AK8: variants seen among roughly 807,000 people sequenced by gnomAD.
AK8 encodes adenylate kinase 8.
AK8 carries 44 observed loss-of-function variants against 54.6 expected under a neutral mutation model. That is an observed-to-expected ratio of 0.81 (90% CI 0.63 to 1.04). AK8 has a LOEUF of 1.04. AK8 is among the 50% of genes least tolerant of loss of function. The pLI is 0.00. For synonymous variants in AK8, 239 were observed against 245.6 expected (o/e 0.97, Z 0.25); for missense variants, 555 against 613.6 (o/e 0.90, Z 1.01).
intron 5 of AK8, among the ~76,000 whole-genome samples, chr9:132,852,513 G>A (rs1474260913): frequency 6.6e-6 from 1 of 151,784 alleles, no homozygotes; most frequent in African/African-American, 2.4e-5. Flanking sequence ...GGGAGGATGA[G>A]GCAGGAGAAT....
chr9:132,833,579 C>T (rs1386856502), intron 5 of AK8, among the ~76,000 whole-genome samples: 3 of 152,182 alleles, frequency 2.0e-5, no homozygotes, highest in South Asian at 2.1e-4. Context: ...ACCGTACCCC[C>T]GTGGCTCGGT....
At chr9:132,758,656 G>A (rs1371467352) in intron 11 of AK8, among the ~76,000 whole-genome samples, 1 of 150,152 alleles carries the variant, frequency 6.7e-6, no homozygotes, top group Non-Finnish European at 1.5e-5. Context: ...ATGGTTTTTC[G>A]CCATGTTGCC....
chr9:132,810,397 CT>C (rs1243098724), intron 10 of AK8, among the ~76,000 whole-genome samples: 12 of 152,268 alleles, frequency 7.9e-5, no homozygotes. Context: ...ACAAAAACGA[CT>C]CTGCGCCTGG....
At chr9:132,844,766 A>C (rs1225325666) in intron 5 of AK8, among the ~76,000 whole-genome samples, 2 of 152,192 alleles carry the variant, frequency 1.3e-5, no homozygotes, top group African/African-American at 4.8e-5. Flanking sequence ...TTCCATGCTC[A>C]AGACTAGAAG....
In AK8 at chr9:132,875,149, G is replaced by A; in HGVS notation, c.135C>T (p.Phe45=). Residue 45 remains phenylalanine (F), a synonymous_variant, in exon 2 of 13, where the codon TTC becomes TTT. Coordinates refer to ENST00000298545, the MANE Select transcript of AK8 (RefSeq NM_152572.3). ...LIHQPEDPIP[F]MIQHLHRDND... ...TGTCTCTATGCAAGTGCTGGATCAT[G>A]AAGGGGATGGGATCTTCGGGCTGGT... is the stretch of plus-strand genomic sequence containing the variant. The A allele has an allele frequency of 6.2e-7, 1 of 1,614,194 alleles. No individual in the cohort carries two copies.
chr9:132,762,038 T>A lies in AK8; in HGVS notation c.1121+30596A>T, dbSNP rs977349499. Among the ~76,000 whole-genome samples, 5 of 152,176 alleles carry A rather than the reference T, an allele frequency of 3.3e-5. No individual in the cohort carries two copies. In the South Asian group the frequency reaches 1.0e-3, roughly 32 times the overall value. The stretch of plus-strand genomic sequence containing the variant: ...CTGCATGCCACCATACCTGGCTAAT[T>A]TTTGTATTTTTAGTAGAAATGGGGT... On this transcript the variant is annotated intron_variant, in intron 11 of 12. Coordinates refer to ENST00000298545, the MANE Select transcript of AK8 (RefSeq NM_152572.3).
intron 1 of AK8, among the ~76,000 whole-genome samples, chr9:132,876,156 C>T (rs1844087128): frequency 6.6e-6 from 1 of 152,160 alleles, no homozygotes; most frequent in Non-Finnish European, 1.5e-5. Context: ...GGTTCCAGCC[C>T]CACTGTATCT....
At chr9:132,857,572 G>A (rs1446434262) in intron 4 of AK8, among the ~76,000 whole-genome samples, 1 of 152,008 alleles carries the variant, frequency 6.6e-6, no homozygotes, top group East Asian at 1.9e-4. Context: ...AGCCCCTCAG[G>A]TCCTCTCCTG....
At chr9:132,742,287 A>C (rs545206041) in intron 11 of AK8, among the ~76,000 whole-genome samples, 1 of 148,302 alleles carries the variant, frequency 6.7e-6, no homozygotes, top group Non-Finnish European at 1.5e-5. Context: ...CGATCCTCCC[A>C]CTTCAGCCTC....
At chr9:132,830,520 G>T (rs1842063406) in intron 5 of AK8, among the ~76,000 whole-genome samples, 1 of 151,964 alleles carries the variant, frequency 6.6e-6, no homozygotes, top group Admixed American at 6.5e-5. Flanking sequence ...ATGAGGTTCA[G>T]TATTTTTTCC....
chr9:132,776,176 A>T (rs1486186159), intron 11 of AK8, among the ~76,000 whole-genome samples: 1 of 152,168 alleles, frequency 6.6e-6, no homozygotes, highest in Non-Finnish European at 1.5e-5. Flanking sequence ...TTCTGAGTTT[A>T]TTTACTGAGA....
chr9:132,800,494 T>G (rs1345376038), intron 10 of AK8, among the ~76,000 whole-genome samples: 1 of 152,160 alleles, frequency 6.6e-6, no homozygotes, highest in African/African-American at 2.4e-5. Context: ...AGCTTGCTCT[T>G]TGGTAAACTC....
intron 5 of AK8, among the ~76,000 whole-genome samples, chr9:132,851,988 G>C (rs936106675): frequency 3.9e-5 from 6 of 152,160 alleles, no homozygotes; most frequent in Non-Finnish European, 8.8e-5. Context: ...CTCGAAAGCG[G>C]CTATTACAAG....
At position 132,725,590 on chromosome 9, in the gene AK8, G is replaced by A; in HGVS notation, c.*98C>T. ...AGGACGTACGAGACTGTATCCAGCA[G>A]GCTTTATTGGCTTTTTAGGGGAGCT... On this transcript the variant is annotated 3_prime_UTR_variant, in exon 13 of 13. Transcript: ENST00000298545. 8.9e-7 allele frequency: 1 copy of A among 1,120,302 alleles called. No individual in the cohort carries two copies. The highest frequency in any genetic ancestry group is 1.3e-6 in the Non-Finnish European group (1 of 784,682). The allele number at this position is 1,120,302 out of a possible 1,614,324, so 69.4% of individuals were successfully genotyped here.
chr9:132,776,565 G>A (rs1255430343), intron 11 of AK8, among the ~76,000 whole-genome samples: 1 of 152,224 alleles, frequency 6.6e-6, no homozygotes, highest in African/African-American at 2.4e-5. Flanking sequence ...GGATGAGGCC[G>A]TCCCTCAAAC....
intron 3 of AK8, among the ~76,000 whole-genome samples, chr9:132,864,119 G>A (rs190542629): frequency 6.6e-6 from 1 of 152,298 alleles, no homozygotes; most frequent in Admixed American, 6.5e-5. Flanking sequence ...GAACTTTGAG[G>A]ACAGAACCTA....
chr9:132,725,648 T>G lies in AK8; in HGVS notation c.*40A>C, dbSNP rs1028881427. On this transcript the variant is annotated 3_prime_UTR_variant, in exon 13 of 13. Coordinates refer to ENST00000298545, the MANE Select transcript of AK8 (RefSeq NM_152572.3). ...GGCTGGGGGGCTGGGGGCAGGGGAT[T>G]AACTCTTTCCCTGGGGCAGCGCTCC... is the stretch of plus-strand genomic sequence containing the variant. The G allele has an allele frequency of 1.2e-4, 177 of 1,523,052 alleles. No individual in the cohort carries two copies. The highest frequency in any genetic ancestry group is 1.4e-4 in the Non-Finnish European group (152 of 1,118,994). The allele number at this position is 1,523,052 out of a possible 1,614,324, so 94.3% of individuals were successfully genotyped here.
At position 132,820,856 on chromosome 9, in the gene AK8, C is replaced by A. The variant is rs7031940; in HGVS notation, c.889+2349G>T. Among the ~76,000 whole-genome samples the A allele has an allele frequency of 7.2e-4, 110 of 152,278 alleles. 3 individuals are homozygous for A. The highest frequency in any genetic ancestry group is 1.4e-3 in the Non-Finnish European group (98 of 68,034). On this transcript the variant is annotated intron_variant, in intron 9 of 12. Transcript: ENST00000298545. ...GCACCTGGAGCTCTGGGTTCAGACA[C>A]GCATTTGCAGAGAGATCTCAAGGCT...
At chr9:132,845,068 G>A (rs1428126059) in intron 5 of AK8, among the ~76,000 whole-genome samples, 2 of 152,190 alleles carry the variant, frequency 1.3e-5, no homozygotes, top group Non-Finnish European at 2.9e-5. Flanking sequence ...CACAGCACAC[G>A]GTCCTGCTGC....
Sources: allele counts gnomAD v4.1 joint callset (sites outside exome capture counted in the v4.1 genomes callset), GRCh38; gene constraint gnomAD v4.1.1; transcripts MANE v1.5; gene names NCBI Gene and HGNC (gene_info 2026-07-23, HGNC 2026-07-21).